The following CTNNA3 variants were observed in gnomAD, a reference collection of about 807,000 sequenced individuals.
The protein encoded by CTNNA3 is catenin alpha 3.
Under a neutral mutation model 95.7 loss-of-function variants are expected in CTNNA3, and 76 were observed. The observed-to-expected ratio is 0.79, with a 90% CI of 0.66 to 0.96. The LOEUF is 0.96. Among genes scored for constraint, CTNNA3 ranks in the 40% least tolerant of loss-of-function variants. CTNNA3 has a pLI of 0.00. For missense variants in CTNNA3, 1,191 were observed against 1,089.8 expected, an observed-to-expected ratio of 1.09 and a Z score of -1.31; for synonymous variants, 431 against 374.4, an observed-to-expected ratio of 1.15 and a Z score of -1.74.
At position 67,607,006 on chromosome 10, in the gene CTNNA3, T is replaced by C. The variant is rs1843300176; in HGVS notation, c.143A>G (p.Lys48Arg). 8 of 1,614,188 alleles carry C rather than the reference T, an allele frequency of 5.0e-6. No individual in the cohort carries two copies. The highest frequency in any genetic ancestry group is 2.2e-5 in the East Asian group (1 of 44,878). Residue 48 changes from lysine to arginine, a missense_variant, in exon 3 of 18, where the codon AAA (lysine) becomes AGA (arginine). By Grantham distance (26) the Lys-to-Arg change is conservative. Coordinates refer to ENST00000433211, the MANE Select transcript of CTNNA3 (RefSeq NM_013266.4). The stretch of plus-strand genomic sequence containing the variant: ...ACTGGCTCTTTTCGAACGTCCTTTT[T>C]TCCTGCTGGAAGGGTTCTGGGGACA... ...VNCPQNPSSRKKGRSKRASVL... is the reference protein window; with the variant it reads ...VNCPQNPSSRRKGRSKRASVL...
At chr10:65,955,371 C>T (rs563923130) in intron 17 of CTNNA3, among the ~76,000 whole-genome samples, 9 of 152,232 alleles carry the variant, frequency 5.9e-5, no homozygotes, top group African/African-American at 2.2e-4. Flanking sequence ...TAATTGAATA[C>T]CCTTTATTTT....
chr10:67,233,847 A>G (rs1283373655), intron 5 of CTNNA3, among the ~76,000 whole-genome samples: 1 of 152,238 alleles, frequency 6.6e-6, no homozygotes, highest in African/African-American at 2.4e-5. Flanking sequence ...CTGATCCCAC[A>G]GAAATAGAAA....
At chr10:67,267,526 G>A (rs1231537567) in intron 5 of CTNNA3, among the ~76,000 whole-genome samples, 1 of 152,032 alleles carries the variant, frequency 6.6e-6, no homozygotes, top group Non-Finnish European at 1.5e-5. Flanking sequence ...CACCATGCCT[G>A]GCTAATTTTT....
At chr10:66,208,629 T>C (rs1312440066) in intron 13 of CTNNA3, among the ~76,000 whole-genome samples, 4 of 152,116 alleles carry the variant, frequency 2.6e-5, no homozygotes, top group African/African-American at 9.7e-5. Flanking sequence ...AAGAGATTTA[T>C]ATAAAAGTTT....
intron 3 of CTNNA3, among the ~76,000 whole-genome samples, chr10:67,546,542 AAC>A (rs1840848597): frequency 6.6e-6 from 1 of 152,202 alleles, no homozygotes. Context: ...TTTACAGTAA[AAC>A]AAACTGACAA....
intron 7 of CTNNA3, among the ~76,000 whole-genome samples, chr10:66,910,260 G>T (rs1042673425): frequency 2.6e-5 from 4 of 152,172 alleles, no homozygotes; most frequent in Non-Finnish European, 5.9e-5. Flanking sequence ...GGTATGCATA[G>T]CATCTTGGTT....
intron 1 of CTNNA3, among the ~76,000 whole-genome samples, chr10:67,666,629 C>G (rs957668491): frequency 7.2e-5 from 11 of 152,090 alleles, no homozygotes; most frequent in Non-Finnish European, 1.3e-4. Context: ...ATTTAGCCAG[C>G]AGAGGGTATT....
intron 7 of CTNNA3, among the ~76,000 whole-genome samples, chr10:66,845,714 A>AG (rs1843233183): frequency 7.8e-6 from 1 of 128,920 alleles, no homozygotes; most frequent in Non-Finnish European, 1.6e-5. Flanking sequence ...AAAAAAAAAA[A>AG]AAAAAAAAAA....
chr10:66,824,811 G>C (rs2132301613), intron 7 of CTNNA3, among the ~76,000 whole-genome samples: 1 of 152,248 alleles, frequency 6.6e-6, no homozygotes, highest in Admixed American at 6.5e-5. Context: ...AGGAGACGTG[G>C]TGACTAAATC....
intron 1 of CTNNA3, among the ~76,000 whole-genome samples, chr10:67,681,992 C>T (rs1292854183): frequency 6.6e-6 from 1 of 151,476 alleles, no homozygotes; most frequent in East Asian, 1.9e-4. Flanking sequence ...CCCATCTCTA[C>T]TAAAAACACA....
chr10:67,103,028 A>C (rs1172855870), intron 7 of CTNNA3, among the ~76,000 whole-genome samples: 2 of 151,800 alleles, frequency 1.3e-5, no homozygotes, highest in Non-Finnish European at 2.9e-5. Context: ...GTTACTATTA[A>C]GAGGTCAAGT....
At chr10:66,171,422 C>T (rs912254461) in intron 13 of CTNNA3, among the ~76,000 whole-genome samples, 2 of 150,146 alleles carry the variant, frequency 1.3e-5, no homozygotes, top group Non-Finnish European at 3.0e-5. Flanking sequence ...GGTGGGCACC[C>T]GTAACCCCAG....
chr10:65,958,786 G>A lies in CTNNA3; in HGVS notation c.2400+7826C>T, dbSNP rs374848088. 4.6e-5 allele frequency among the ~76,000 whole-genome samples: 7 copies of A among 152,272 alleles called. No homozygotes were observed. In the East Asian group the frequency reaches 1.2e-3, roughly 25 times the overall value. ...CTCAGAGGGGCAACCAGGCGTATGA[G>A]GTGTCAGTCAGCCCCTACTGGGAGG... On this transcript the variant is annotated intron_variant, in intron 17 of 17. Transcript: ENST00000433211.
intron 5 of CTNNA3, among the ~76,000 whole-genome samples, chr10:67,390,045 A>C (rs1378162842): frequency 2.0e-5 from 3 of 152,182 alleles, no homozygotes; most frequent in Non-Finnish European, 1.5e-5. Flanking sequence ...AGAAGGCAAG[A>C]AATAACTAAA....
chr10:66,156,610 T>C (rs190694159), intron 13 of CTNNA3, among the ~76,000 whole-genome samples: 1 of 151,292 alleles, frequency 6.6e-6, no homozygotes, highest in Non-Finnish European at 1.5e-5. Context: ...AAATGTCAAG[T>C]GGTGAAAATG....
chr10:67,560,383 A>C (rs886888949), intron 3 of CTNNA3, among the ~76,000 whole-genome samples: 1 of 152,070 alleles, frequency 6.6e-6, no homozygotes, highest in African/African-American at 2.4e-5. Flanking sequence ...TATCCAGCCA[A>C]ACTAAGCTTC....
chr10:66,035,733 C>T (rs760968060), intron 15 of CTNNA3, among the ~76,000 whole-genome samples: 1 of 151,862 alleles, frequency 6.6e-6, no homozygotes, highest in Non-Finnish European at 1.5e-5. Context: ...GACCATGTGT[C>T]ACTTATATTC....
chr10:66,332,374 C>T (rs905088974), intron 12 of CTNNA3, among the ~76,000 whole-genome samples: 1 of 148,698 alleles, frequency 6.7e-6, no homozygotes, highest in Non-Finnish European at 1.5e-5. Flanking sequence ...ATGATATTGG[C>T]TGTGGGTTTG....
At chr10:67,759,070 A>G (rs929323662) in intron 1 of CTNNA3, among the ~76,000 whole-genome samples, 2 of 152,220 alleles carry the variant, frequency 1.3e-5, no homozygotes, top group African/African-American at 2.4e-5. Context: ...ACATTTATGT[A>G]TAAGTACCAC....
Sources: gnomAD v4.1 joint callset for allele counts (sites outside exome capture counted in the v4.1 genomes callset) on GRCh38, gnomAD v4.1.1 for gene constraint, MANE v1.5 for transcripts, NCBI Gene and HGNC (gene_info 2026-07-23, HGNC 2026-07-21) for gene names.